The following STAT5B variants were observed in gnomAD, a reference collection of about 807,000 sequenced individuals.
STAT5B encodes the protein transcription factor STAT5B.
Under a neutral mutation model 107.8 loss-of-function variants are expected in STAT5B, and 21 were observed. The ratio of observed to expected loss-of-function variants is 0.19; its 90% CI spans 0.14 to 0.28. The LOEUF (loss-of-function observed/expected upper bound fraction) is 0.28. Among genes scored for constraint, STAT5B ranks in the 10% least tolerant of loss-of-function variants. STAT5B has a pLI of 1.00. For missense variants in STAT5B, 565 were observed against 1,008.2 expected, an observed-to-expected ratio of 0.56 and a Z score of 5.95; for synonymous variants, 325 against 401.7, an observed-to-expected ratio of 0.81 and a Z score of 2.28.
chr17:42,265,624 T>C (rs1209671553), intron 1 of STAT5B, among the ~76,000 whole-genome samples: 1 of 152,150 alleles, frequency 6.6e-6, no homozygotes, highest in African/African-American at 2.4e-5. Context: ...GTGCTGGGAT[T>C]ACAGGCCTGA....
At chr17:42,212,512 C>T (rs1266580754) in intron 12 of STAT5B, among the ~76,000 whole-genome samples, 2 of 152,164 alleles carry the variant, frequency 1.3e-5, no homozygotes, top group African/African-American at 4.8e-5. Context: ...ATTGTAAACA[C>T]CTTGGGAATT....
intron 1 of STAT5B, among the ~76,000 whole-genome samples, chr17:42,275,788 C>A (rs2080759906): frequency 6.6e-6 from 1 of 151,966 alleles, no homozygotes; most frequent in Non-Finnish European, 1.5e-5. Flanking sequence ...GCACCAGGCA[C>A]CCCCGCAGGC....
chr17:42,211,260 C>A (rs1455659369), intron 13 of STAT5B, among the ~76,000 whole-genome samples: 1 of 152,024 alleles, frequency 6.6e-6, no homozygotes, highest in South Asian at 2.1e-4. Flanking sequence ...GTAATCCCAG[C>A]ACTTTGGGAG....
intron 1 of STAT5B, among the ~76,000 whole-genome samples, chr17:42,252,014 GA>G (rs1324007876): frequency 8.2e-5 from 12 of 145,754 alleles, no homozygotes; most frequent in East Asian, 3.9e-4. Flanking sequence ...AAAAAAAAAA[GA>G]AAAAAAGAAA....
At chr17:42,283,321 C>A in the STAT5B span, among the ~76,000 whole-genome samples, 5 of 152,236 alleles carry the variant, frequency 3.3e-5, no homozygotes, top group Admixed American at 3.3e-4. Flanking sequence ...TCTCTCCAGG[C>A]TCCTGGGCCT....
the STAT5B span, among the ~76,000 whole-genome samples, chr17:42,286,245 A>AAG: frequency 6.6e-6 from 1 of 151,288 alleles, no homozygotes; most frequent in African/African-American, 2.4e-5. Flanking sequence ...AAAAAAAAAA[A>AAG]AAAAAAAAAA....
At chr17:42,243,806 G>A (rs1052291996) in intron 1 of STAT5B, among the ~76,000 whole-genome samples, 18 of 152,122 alleles carry the variant, frequency 1.2e-4, no homozygotes, top group East Asian at 1.9e-4. Flanking sequence ...CTTCTTAGGC[G>A]TTGTGCTGCA....
chr17:42,277,347 C>A (rs1399256892), upstream of STAT5B, among the ~76,000 whole-genome samples: 1 of 152,158 alleles, frequency 6.6e-6, no homozygotes, highest in Non-Finnish European at 1.5e-5. Context: ...CCCCTCCCGC[C>A]CCCACTCAGA....
At chr17:42,220,438 G>A (rs905014211) in intron 5 of STAT5B, among the ~76,000 whole-genome samples, 6 of 152,134 alleles carry the variant, frequency 3.9e-5, no homozygotes, top group African/African-American at 1.2e-4. Flanking sequence ...GCAGCTGCTC[G>A]GCCCCATCCC....
intron 2 of STAT5B, among the ~76,000 whole-genome samples, chr17:42,230,787 A>G (rs1014524706): frequency 2.6e-5 from 4 of 151,840 alleles, no homozygotes; most frequent in African/African-American, 4.8e-5. Context: ...TAGCCTCCAG[A>G]GTAGCTGGGA....
intron 1 of STAT5B, chr17:42,270,864 C>A (rs887057344): frequency 6.6e-5 from 10 of 152,140 alleles, no homozygotes; most frequent in African/African-American, 1.9e-4. Context: ...GGAATAATAC[C>A]CACTCCTCTG....
chr17:42,224,955 G>T, intron 3 of STAT5B, 87 bp from the exon 4 acceptor site: 1 of 1,354,656 alleles, frequency 7.4e-7, no homozygotes, highest in South Asian at 1.2e-5. Context: ...CCTCCTGAGG[G>T]ACCTCCTGAA....
chr17:42,207,490 C>CACACACACACAA (rs1491076442), intron 16 of STAT5B, 68 bp downstream of exon 16: 42 of 208,380 alleles, frequency 2.0e-4, no homozygotes, highest in Non-Finnish European at 2.3e-4. Flanking sequence ...CAGGTATGCA[C>CACACACACACAA]ACACACACAC....
At chr17:42,242,548 T>A (rs1473242144) in intron 1 of STAT5B, among the ~76,000 whole-genome samples, 1 of 151,982 alleles carries the variant, frequency 6.6e-6, no homozygotes, top group Non-Finnish European at 1.5e-5. Context: ...AACTAAATCA[T>A]GAAGAAACAA....
At chr17:42,288,145 G>A in the STAT5B span, 1 of 152,250 alleles carries the variant, frequency 6.6e-6, no homozygotes, top group East Asian at 1.9e-4. This position sits in a 1 kb window ranked among gnomAD's most constrained non-coding sequence, Gnocchi z 4.8. Context: ...AGAAAACTGA[G>A]GCCCAGGTTT....
At chr17:42,255,046 G>A (rs762989383) in intron 1 of STAT5B, among the ~76,000 whole-genome samples, 3 of 152,090 alleles carry the variant, frequency 2.0e-5, no homozygotes, top group Admixed American at 6.5e-5. Flanking sequence ...AGCCGAGATC[G>A]TGCCACTGCA....
chr17:42,203,598 G>GGAA (rs1463866601), intron 16 of STAT5B, among the ~76,000 whole-genome samples: 1 of 152,048 alleles, frequency 6.6e-6, no homozygotes, highest in African/African-American at 2.4e-5. Context: ...ATTTATCTTA[G>GGAA]GAAGGACTGA....
intron 12 of STAT5B, among the ~76,000 whole-genome samples, chr17:42,215,382 A>G (rs762004754): frequency 2.0e-5 from 3 of 152,096 alleles, no homozygotes; most frequent in Non-Finnish European, 2.9e-5. Flanking sequence ...AGCATTTTCT[A>G]TGTTATCTAA....
chr17:42,278,703 G>A (rs184395479), upstream of STAT5B, among the ~76,000 whole-genome samples: 15 of 152,116 alleles, frequency 9.9e-5, no homozygotes, highest in African/African-American at 3.4e-4. Flanking sequence ...TTTGTAGGCC[G>A]GGCACGGTGG....
Sources: allele counts gnomAD v4.1 joint callset (sites outside exome capture counted in the v4.1 genomes callset), GRCh38; gene constraint gnomAD v4.1.1; non-coding constraint Gnocchi (gnomAD v3.1); transcripts MANE v1.5; gene names NCBI Gene and HGNC (gene_info 2026-07-23, HGNC 2026-07-21).